STYXL2: variants seen among roughly 807,000 people sequenced by gnomAD.
The protein encoded by STYXL2 is serine/threonine/tyrosine interacting like 2.
Under a neutral mutation model 52.4 loss-of-function variants are expected in STYXL2, and 44 were observed. That is an observed-to-expected ratio of 0.84 (90% CI 0.66 to 1.08). The LOEUF is 1.08. STYXL2 is among the 50% of genes least tolerant of loss of function. The pLI is 0.00. For synonymous variants in STYXL2, 604 were observed against 586.9 expected, an observed-to-expected ratio of 1.03 and a Z score of -0.42; for missense variants, 1,604 against 1,471.7, an observed-to-expected ratio of 1.09 and a Z score of -1.47.
intron 2 of STYXL2, among the ~76,000 whole-genome samples, chr1:167,106,833 G>GGTT (rs1304584680): frequency 6.6e-6 from 1 of 152,206 alleles, no homozygotes; most frequent in African/African-American, 2.4e-5. Context: ...GATATTTATA[G>GGTT]GTTGTGTATC....
rs1668024223 is a variant in STYXL2, at chr1:167,128,451, G to A, written c.3320G>A (p.Arg1107Lys). Reference protein sequence around the residue: ...EEGEKERTENREEGRFASGRR... With the variant: ...EEGEKERTENKEEGRFASGRR... ...GGAGAGAAAGAGAGGACAGAAAACA[G>A]AGAAGAAGGGAGGTTTGCATCTGGA... The change falls in exon 6 of 6, where the codon AGA becomes AAA. Residue 1107 changes from arginine to lysine, a missense_variant. Physicochemically the swap from Arg to Lys is conservative, Grantham distance 26. Coordinates refer to ENST00000361200, the MANE Select transcript of STYXL2 (RefSeq NM_001080426.3). 1.2e-6 allele frequency: 2 copies of A among 1,614,154 alleles called. No individual in the cohort carries two copies. Among genetic ancestry groups the A allele is most frequent in the Admixed American group, 1.7e-5 (1 of 60,022 alleles).
intron 2 of STYXL2, among the ~76,000 whole-genome samples, chr1:167,105,050 A>C (rs1203217180): frequency 1.4e-5 from 2 of 144,224 alleles, no homozygotes; most frequent in Non-Finnish European, 2.9e-5. Flanking sequence ...ACAAAACTAC[A>C]CTTATCCTTA....
At chr1:167,103,317 G>A (rs1477722509) in intron 2 of STYXL2, among the ~76,000 whole-genome samples, 1 of 152,114 alleles carries the variant, frequency 6.6e-6, no homozygotes, top group Non-Finnish European at 1.5e-5. Flanking sequence ...GGAGGGCACC[G>A]TTCAACTCAC....
intron 2 of STYXL2, among the ~76,000 whole-genome samples, chr1:167,110,853 C>T (rs990139776): frequency 2.0e-5 from 3 of 152,220 alleles, no homozygotes; most frequent in Non-Finnish European, 2.9e-5. Context: ...ACTTCCCCAA[C>T]CCCTCTCTTG....
Position 167,113,585 on chromosome 1 carries a change from G to T in STYXL2, c.111-125G>T. On this transcript the variant is annotated intron_variant, in intron 2 of 5. Transcript: ENST00000361200. ...TTCTTGGGTCCTTAAACTTAGGAAG[G>T]CTTTGCCTTGATCACTCGTTGTTCC... The T allele has an allele frequency of 4.0e-6, 3 of 748,286 alleles. No individual in the cohort carries two copies. In the South Asian group the frequency reaches 4.7e-5, roughly 12 times the overall value. The allele number at this position is 748,286 out of a possible 1,614,324, so 46.4% of individuals were successfully genotyped here. A position where few individuals can be genotyped will look rare whatever the true frequency, so the allele number is the denominator to read the frequency against.
At chr1:167,124,272 C>T (rs922947081) in intron 5 of STYXL2, among the ~76,000 whole-genome samples, 3 of 152,144 alleles carry the variant, frequency 2.0e-5, no homozygotes, top group Non-Finnish European at 4.4e-5. Flanking sequence ...GCAATAACAC[C>T]TTTCATCATT....
At chr1:167,111,946 T>C (rs1335312159) in intron 2 of STYXL2, among the ~76,000 whole-genome samples, 1 of 152,060 alleles carries the variant, frequency 6.6e-6, no homozygotes, top group Non-Finnish European at 1.5e-5. Flanking sequence ...CATCCACAAA[T>C]TGTTGTCCAA....
intron 2 of STYXL2, among the ~76,000 whole-genome samples, chr1:167,109,222 A>AC (rs1243036285): frequency 2.0e-5 from 3 of 152,174 alleles, no homozygotes; most frequent in Non-Finnish European, 4.4e-5. Context: ...AGAAGCCACC[A>AC]CAGTGGGGTA....
At chr1:167,123,286 C>T (rs1007275548) in intron 5 of STYXL2, among the ~76,000 whole-genome samples, 1 of 152,158 alleles carries the variant, frequency 6.6e-6, no homozygotes, top group African/African-American at 2.4e-5. Context: ...CTCTGGCTGC[C>T]CTTTAGGCTC....
At chr1:167,103,272 A>T (rs1667439478) in intron 2 of STYXL2, among the ~76,000 whole-genome samples, 1 of 152,146 alleles carries the variant, frequency 6.6e-6, no homozygotes, top group African/African-American at 2.4e-5. Flanking sequence ...TCCAAAAAAG[A>T]TTACATTCCC....
intron 4 of STYXL2, among the ~76,000 whole-genome samples, 177 bp downstream of exon 4, chr1:167,117,736 G>A (rs1034652767): frequency 6.6e-5 from 10 of 152,226 alleles, no homozygotes; most frequent in Non-Finnish European, 1.0e-4. Flanking sequence ...ACCTGCATTC[G>A]GAGGTCTCCA....
intron 5 of STYXL2, among the ~76,000 whole-genome samples, chr1:167,122,178 G>T (rs1369180025): frequency 1.3e-5 from 2 of 152,068 alleles, no homozygotes; most frequent in African/African-American, 4.8e-5. Flanking sequence ...TTGGTTGCTA[G>T]TGGGTGGAAA....
chr1:167,110,655 A>G (rs779776997), intron 2 of STYXL2, among the ~76,000 whole-genome samples: 3 of 152,358 alleles, frequency 2.0e-5, no homozygotes, highest in Non-Finnish European at 4.4e-5. Flanking sequence ...TGTGAGAATT[A>G]ACAATAGTAA....
At chr1:167,096,535 T>G (rs1667288516) in intron 2 of STYXL2, among the ~76,000 whole-genome samples, 1 of 152,174 alleles carries the variant, frequency 6.6e-6, no homozygotes, top group South Asian at 2.1e-4. Context: ...GTTCACCACT[T>G]TAAAGCATGG....
Position 167,128,396 on chromosome 1 carries a change from A to G in STYXL2, c.3265A>G (p.Thr1089Ala). 3.1e-6 allele frequency: 5 copies of G among 1,614,100 alleles called. No individual in the cohort carries two copies. Among genetic ancestry groups the G allele is most frequent in the Non-Finnish European group, 4.2e-6 (5 of 1,180,006 alleles). The change falls in exon 6 of 6, where the codon ACC becomes GCC. Residue 1089 changes from threonine (T) to alanine (A), a missense_variant. By Grantham distance (58) the Thr-to-Ala change is moderately conservative. Coordinates refer to ENST00000361200, the MANE Select transcript of STYXL2 (RefSeq NM_001080426.3). ...TGAATTTGGAGCCAAGAGGAAGTTC[A>G]CCCAGAGCTTTATGAGGTCTGAAGA... ...FSEFGAKRKFTQSFMRSEEEG... is the reference protein window; with the variant it reads ...FSEFGAKRKFAQSFMRSEEEG...
At chr1:167,120,829 CAT>C (rs71587032) in intron 5 of STYXL2, among the ~76,000 whole-genome samples, 3 of 115,052 alleles carry the variant, frequency 2.6e-5, no homozygotes, top group Admixed American at 9.9e-5. Flanking sequence ...GTGTAAATTA[CAT>C]ATATATATAT....
At chr1:167,121,834 G>C (rs751598226) in intron 5 of STYXL2, among the ~76,000 whole-genome samples, 32 of 152,228 alleles carry the variant, frequency 2.1e-4, no homozygotes, top group Admixed American at 1.7e-3. Flanking sequence ...TCCCGATTCA[G>C]CCTCACTCTC....
chr1:167,108,441 C>T (rs1289640009), intron 2 of STYXL2, among the ~76,000 whole-genome samples: 3 of 152,136 alleles, frequency 2.0e-5, no homozygotes, highest in Non-Finnish European at 4.4e-5. Flanking sequence ...TTAATCCACC[C>T]CCACTCCCCA....
rs146727043 is a variant in STYXL2 at position 167,113,034 on chromosome 1, A to G, written c.111-676A>G. On this transcript the variant is annotated intron_variant, in intron 2 of 5. Transcript: ENST00000361200. ...TCTGCTGTAGATTCTCCATGTTCCT[A>G]AAGGTCTTTTTTGACAACTGCACCG... Among the ~76,000 whole-genome samples the G allele has an allele frequency of 7.2e-5, 11 of 152,244 alleles. No individual in the cohort carries two copies. In the East Asian group the frequency reaches 2.1e-3, roughly 29 times the overall value.
Sources: allele counts gnomAD v4.1 joint callset (sites outside exome capture counted in the v4.1 genomes callset), GRCh38; gene constraint gnomAD v4.1.1; transcripts MANE v1.5; gene names NCBI Gene and HGNC (gene_info 2026-07-23, HGNC 2026-07-21).